ZNF609: variants seen among roughly 807,000 people sequenced by gnomAD.
The protein encoded by ZNF609 is zinc finger protein 609.
Under a neutral mutation model 109.5 loss-of-function variants are expected in ZNF609, and 11 were observed. The ratio of observed to expected loss-of-function variants is 0.10; its 90% CI spans 0.06 to 0.17. The LOEUF (loss-of-function observed/expected upper bound fraction) is 0.17. Among genes scored for constraint, ZNF609 ranks in the 10% least tolerant of loss-of-function variants. The pLI is 1.00. For synonymous variants in ZNF609, 646 were observed against 662.0 expected (o/e 0.98, Z 0.37); for missense variants, 1,559 against 1,772.4 (o/e 0.88, Z 2.16).
chr15:64,484,204 A>G (rs1390211118), intron 1 of ZNF609, among the ~76,000 whole-genome samples: 1 of 151,608 alleles, frequency 6.6e-6, no homozygotes, highest in East Asian at 1.9e-4. Context: ...ATGACATTAA[A>G]CTCTTCCAGG....
At chr15:64,479,283 G>GGTTTTTTTTTTTT (rs1389448753) in intron 1 of ZNF609, among the ~76,000 whole-genome samples, 1 of 64,358 alleles carries the variant, frequency 1.6e-5, no homozygotes. Flanking sequence ...GTACCTGTGT[G>GGTTTTTTTTTTTT]ATTTTTTTTT....
chr15:64,536,593 C>G (rs1199048668), intron 2 of ZNF609, among the ~76,000 whole-genome samples: 7 of 151,952 alleles, frequency 4.6e-5, no homozygotes, highest in Admixed American at 4.6e-4. Flanking sequence ...AATACTAGAA[C>G]TGGCCGGGCT....
intron 1 of ZNF609, among the ~76,000 whole-genome samples, chr15:64,479,911 T>C (rs1274134833): frequency 6.6e-6 from 1 of 151,000 alleles, no homozygotes; most frequent in African/African-American, 2.4e-5. Flanking sequence ...AGACTGAGAC[T>C]CTGTCTCAAA....
At chr15:64,536,692 C>A (rs1894150025) in intron 2 of ZNF609, among the ~76,000 whole-genome samples, 1 of 147,210 alleles carries the variant, frequency 6.8e-6, no homozygotes, top group Non-Finnish European at 1.5e-5. Context: ...GCCTGGGCAA[C>A]CTAGCAAGAC....
chr15:64,552,683 T>C (rs1396084147), intron 2 of ZNF609, among the ~76,000 whole-genome samples: 1 of 152,164 alleles, frequency 6.6e-6, no homozygotes, highest in African/African-American at 2.4e-5. Flanking sequence ...AAGGTCTTGC[T>C]GTGTGGCTCA....
chr15:64,462,198 A>G (rs1345642734), intron 1 of ZNF609, among the ~76,000 whole-genome samples: 2 of 152,114 alleles, frequency 1.3e-5, no homozygotes, highest in Non-Finnish European at 2.9e-5. Context: ...TTGAGTGAGG[A>G]ACAATGCAGA....
rs11294961 is a variant in ZNF609, at chr15:64,615,488, C to CT, written c.748-7324dup. ...AATGTTTAGTGTATTTGATGACATC[C>CT]TTTTTTTTTTTTTTTGAGATGGAGA... On this transcript the variant is annotated intron_variant, in intron 2 of 9. Coordinates refer to ENST00000326648, the MANE Select transcript of ZNF609 (RefSeq NM_015042.2). 1.5e-3 allele frequency among the ~76,000 whole-genome samples: 202 copies of CT among 139,078 alleles called. 1 individual carries two copies. Among genetic ancestry groups the CT allele is most frequent in the Middle Eastern group, 7.5e-3 (2 of 268 alleles). 91.2% of individuals were successfully genotyped at this position (139,078 alleles called of 152,430 possible).
chr15:64,579,712 A>AT (rs201418125), intron 2 of ZNF609, among the ~76,000 whole-genome samples: 1 of 150,912 alleles, frequency 6.6e-6, no homozygotes, highest in Non-Finnish European at 1.5e-5. Flanking sequence ...AAACAAACAA[A>AT]AAAAAAAAAC....
At chr15:64,483,273 T>C (rs1893282664) in intron 1 of ZNF609, among the ~76,000 whole-genome samples, 1 of 152,182 alleles carries the variant, frequency 6.6e-6, no homozygotes, top group African/African-American at 2.4e-5. Flanking sequence ...TTTTGTATTT[T>C]TAGTGGAGAC....
chr15:64,497,234 T>C (rs1285534004), intron 1 of ZNF609, among the ~76,000 whole-genome samples: 3 of 152,236 alleles, frequency 2.0e-5, no homozygotes, highest in Non-Finnish European at 4.4e-5. Context: ...GTAGGATCTA[T>C]GTAGACTTGG....
intron 2 of ZNF609, among the ~76,000 whole-genome samples, chr15:64,526,037 G>T (rs1486026654): frequency 6.6e-6 from 1 of 151,352 alleles, no homozygotes; most frequent in Non-Finnish European, 1.5e-5. Context: ...TGATCTGCCT[G>T]CCTAGGCCTC....
chr15:64,479,283 G>GGTTTTTT (rs1389448753), intron 1 of ZNF609, among the ~76,000 whole-genome samples: 11 of 64,392 alleles, frequency 1.7e-4, no homozygotes, highest in Admixed American at 2.3e-4. Context: ...GTACCTGTGT[G>GGTTTTTT]ATTTTTTTTT....
chr15:64,680,993 T>A, intron 8 of ZNF609, 131 bp downstream of exon 8: 1 of 997,936 alleles, frequency 1.0e-6, no homozygotes, highest in Non-Finnish European at 1.4e-6. Flanking sequence ...TTTTTTTTTT[T>A]GAGCTTCTAA....
intron 1 of ZNF609, among the ~76,000 whole-genome samples, chr15:64,465,062 C>T (rs1375628353): frequency 6.6e-6 from 1 of 152,038 alleles, no homozygotes; most frequent in Non-Finnish European, 1.5e-5. Flanking sequence ...CTACACGGCT[C>T]TATTGTATTT....
intron 2 of ZNF609, among the ~76,000 whole-genome samples, chr15:64,581,485 C>T (rs571295818): frequency 5.1e-4 from 77 of 152,178 alleles, no homozygotes; most frequent in African/African-American, 1.8e-3. Context: ...CACAAATACT[C>T]CTACCTCCCA....
intron 2 of ZNF609, among the ~76,000 whole-genome samples, chr15:64,576,526 T>TA (rs1667981890): frequency 1.3e-5 from 2 of 151,902 alleles, no homozygotes; most frequent in East Asian, 1.9e-4. Context: ...TGCAATATCT[T>TA]TAAAAAATCT....
chr15:64,488,901 T>G (rs1373323617), intron 1 of ZNF609, among the ~76,000 whole-genome samples: 1 of 132,862 alleles, frequency 7.5e-6, no homozygotes, highest in African/African-American at 2.8e-5. Context: ...AGAGAGACTT[T>G]GTTTCTACAA....
At chr15:64,469,993 A>G (rs1462145464) in intron 1 of ZNF609, among the ~76,000 whole-genome samples, 2 of 152,172 alleles carry the variant, frequency 1.3e-5, no homozygotes, top group Non-Finnish European at 2.9e-5. Context: ...GGTTAGTTGG[A>G]TATTTTTCCA....
At chr15:64,617,071 G>A (rs900376872) in intron 2 of ZNF609, among the ~76,000 whole-genome samples, 2 of 152,000 alleles carry the variant, frequency 1.3e-5, no homozygotes, top group African/African-American at 4.8e-5. Flanking sequence ...GCCTCCCAAA[G>A]TGCTGGGATT....
Sources: allele counts gnomAD v4.1 joint callset (sites outside exome capture counted in the v4.1 genomes callset), GRCh38; gene constraint gnomAD v4.1.1; transcripts MANE v1.5; gene names NCBI Gene and HGNC (gene_info 2026-07-23, HGNC 2026-07-21).